USP37: variants seen among roughly 807,000 people sequenced by gnomAD.
USP37 encodes the protein ubiquitin specific peptidase 37.
A neutral mutation model predicts 124.0 loss-of-function variants in USP37; 27 were observed. The observed-to-expected ratio is 0.22, with a 90% CI of 0.16 to 0.30. The LOEUF is 0.30. USP37 is among the 10% of genes least tolerant of loss of function. The probability of loss-of-function intolerance (pLI) is 1.00; values close to 1 mark genes in which losing one functional copy is unlikely to be tolerated. For synonymous variants in USP37, 365 were observed against 388.0 expected (o/e 0.94, Z 0.70); for missense variants, 889 against 1,140.4 (o/e 0.78, Z 3.17).
chr2:218,518,891 T>G (rs552635182), intron 10 of USP37, among the ~76,000 whole-genome samples: 23 of 152,186 alleles, frequency 1.5e-4, no homozygotes, highest in Admixed American at 5.2e-4. Context: ...ACACTATGTC[T>G]CCGGGAGTTT....
At position 218,451,272 on chromosome 2, in the gene USP37, GGTGTTA is replaced by G. The variant is rs1021794542; in HGVS notation, c.*3652_*3657del. The G allele has an allele frequency of 6.6e-6, 1 of 152,210 alleles. No individual in the cohort carries two copies. Among genetic ancestry groups the G allele is most frequent in the Non-Finnish European group, 1.5e-5 (1 of 68,002 alleles). The allele number at this position is 152,210 out of a possible 1,614,324, so 9.4% of individuals were successfully genotyped here. On this transcript the variant is annotated 3_prime_UTR_variant, in exon 26 of 26. Transcript: ENST00000258399. ...GAACACTTTTATGTGACTTGAATCT[GGTGTTA>G]GGTTGTTGATTTTTCTAAAAATCTC...
At chr2:218,499,875 G>A (rs557060095) in intron 11 of USP37, among the ~76,000 whole-genome samples, 8 of 151,578 alleles carry the variant, frequency 5.3e-5, no homozygotes, top group Admixed American at 6.6e-5. Context: ...TCAACCTCCC[G>A]GGCTCGAGCA....
At chr2:218,485,881 C>T (rs929881771) in intron 15 of USP37, 138 bp from the exon 16 acceptor site, 1 of 864,548 alleles carries the variant, frequency 1.2e-6, no homozygotes, top group Non-Finnish European at 1.8e-6. Context: ...GTGTCTAGAG[C>T]CATGAGCCTT....
chr2:218,489,575 C>T (rs1232384208), intron 14 of USP37, among the ~76,000 whole-genome samples: 1 of 151,722 alleles, frequency 6.6e-6, no homozygotes, highest in African/African-American at 2.4e-5. Flanking sequence ...TCTGCCTCCC[C>T]GTTTCAAGCA....
intron 9 of USP37, among the ~76,000 whole-genome samples, chr2:218,533,660 TTC>T (rs539883502): frequency 7.0e-4 from 106 of 152,334 alleles, no homozygotes; most frequent in African/African-American, 2.5e-3. Flanking sequence ...CATGTGATAT[TTC>T]TTTCTGTAGG....
intron 20 of USP37, among the ~76,000 whole-genome samples, chr2:218,470,470 T>C (rs543003375): frequency 2.6e-5 from 4 of 152,350 alleles, no homozygotes; most frequent in African/African-American, 9.6e-5. Flanking sequence ...TGATCTTTTC[T>C]TCAAACATAA....
At chr2:218,553,143 G>A (rs1355717537) in intron 5 of USP37, among the ~76,000 whole-genome samples, 1 of 152,216 alleles carries the variant, frequency 6.6e-6, no homozygotes, top group African/African-American at 2.4e-5. Context: ...GCAAGAGCAG[G>A]TATTCCTGCC....
In USP37 at chr2:218,510,076, G is replaced by C; in HGVS notation, c.928C>G (p.Pro310Ala). The change falls in exon 11 of 26, where the codon CCT becomes GCT. Residue 310 changes from proline (P) to alanine (A), a missense_variant. Transcript: ENST00000258399. ...RSLGFLPQPV[P>A]LSVKKLRCNQ... The stretch of plus-strand genomic sequence containing the variant: ...CACCTCAGTTTTTTAACAGAAAGAG[G>C]AACTGGCTGAGGAAGAAATCCCAAA... 1 of 1,613,220 alleles carries C rather than the reference G, an allele frequency of 6.2e-7. No individual in the cohort carries two copies. Among genetic ancestry groups the C allele is most frequent in the Non-Finnish European group, 8.5e-7 (1 of 1,179,824 alleles).
chr2:218,558,364 T>C (rs1467147697), intron 4 of USP37, 134 bp downstream of exon 4: 1 of 801,874 alleles, frequency 1.2e-6, no homozygotes, highest in Non-Finnish European at 1.9e-6. Flanking sequence ...CATAAAAATA[T>C]TAATGTCCTA....
In USP37 at chr2:218,559,435, C is replaced by T. The variant is rs1259189093; in HGVS notation, c.-24-758G>A. ...TAACAGTGAGCAATCTAAGCATATC[C>T]GTATGTACAGAAGACATTAAATGAG... On this transcript the variant is annotated intron_variant, in intron 3 of 25. Coordinates refer to ENST00000258399, the MANE Select transcript of USP37 (RefSeq NM_020935.3). 2.6e-5 allele frequency among the ~76,000 whole-genome samples: 4 copies of T among 152,186 alleles called. No homozygotes were observed. The South Asian group carries it at 6.2e-4, about 24-fold the overall frequency.
intron 10 of USP37, among the ~76,000 whole-genome samples, chr2:218,518,436 T>C (rs1325492773): frequency 6.6e-6 from 1 of 152,190 alleles, no homozygotes; most frequent in Non-Finnish European, 1.5e-5. Context: ...TGTTGACCTG[T>C]CTTGCTGCAT....
intron 10 of USP37, among the ~76,000 whole-genome samples, chr2:218,524,423 T>C (rs757579461): frequency 6.6e-6 from 1 of 152,120 alleles, no homozygotes; most frequent in Non-Finnish European, 1.5e-5. Context: ...CTTTTTAATA[T>C]GTCTATGTAA....
intron 9 of USP37, among the ~76,000 whole-genome samples, chr2:218,533,572 T>C (rs1464087310): frequency 2.0e-5 from 3 of 152,220 alleles, no homozygotes; most frequent in Non-Finnish European, 2.9e-5. Flanking sequence ...TTTTTAACTA[T>C]AGGCTGATTA....
intron 16 of USP37, among the ~76,000 whole-genome samples, chr2:218,483,648 G>C (rs889373696): frequency 2.7e-5 from 4 of 150,434 alleles, no homozygotes; most frequent in South Asian, 4.2e-4. Context: ...ATTCCCCTTA[G>C]CATTTTTTTC....
intron 13 of USP37, among the ~76,000 whole-genome samples, chr2:218,497,009 A>G (rs1689119170): frequency 1.3e-5 from 2 of 152,010 alleles, no homozygotes; most frequent in South Asian, 4.1e-4. Context: ...TTTTAAAATA[A>G]AAATCAAGAA....
At chr2:218,490,113 A>G (rs1403226565) in intron 14 of USP37, among the ~76,000 whole-genome samples, 1 of 152,180 alleles carries the variant, frequency 6.6e-6, no homozygotes, top group African/African-American at 2.4e-5. Context: ...GCACTTTGGG[A>G]GGCCGAGGTG....
At chr2:218,564,654 G>C (rs1051343763) in intron 1 of USP37, among the ~76,000 whole-genome samples, 2 of 152,126 alleles carry the variant, frequency 1.3e-5, no homozygotes, top group Non-Finnish European at 2.9e-5. Context: ...GTGGGAGTGG[G>C]GGGTAGAGGT....
At chr2:218,550,056 ATTCT>A in intron 5 of USP37, 147 bp from the exon 6 acceptor site, 2 of 539,964 alleles carry the variant, frequency 3.7e-6, no homozygotes, top group Non-Finnish European at 3.1e-6. Context: ...CTATCAACCA[ATTCT>A]TTCTGACAGA....
At chr2:218,545,938 A>T (rs1692297191) in intron 8 of USP37, among the ~76,000 whole-genome samples, 1 of 152,226 alleles carries the variant, frequency 6.6e-6, no homozygotes, top group South Asian at 2.1e-4. Context: ...CCAGCAAGAA[A>T]CATTTGTTTA....
Sources: gnomAD v4.1 joint callset for allele counts (sites outside exome capture counted in the v4.1 genomes callset) on GRCh38, gnomAD v4.1.1 for gene constraint, MANE v1.5 for transcripts, NCBI Gene and HGNC (gene_info 2026-07-23, HGNC 2026-07-21) for gene names.